The following PCDH11X variants were observed in gnomAD, a reference collection of about 807,000 sequenced individuals.
The protein encoded by PCDH11X is protocadherin-11 X-linked.
Under a neutral mutation model 53.3 loss-of-function variants are expected in PCDH11X, and 18 were observed. That is an observed-to-expected ratio of 0.34 (90% confidence interval 0.23 to 0.50). PCDH11X has a LOEUF of 0.50. Ranked by LOEUF, PCDH11X falls within the 20% of genes least tolerant of loss-of-function variation. The pLI, the probability that PCDH11X is intolerant of heterozygous loss-of-function variation, is 0.98. For missense variants in PCDH11X, 570 were observed against 1,032.4 expected (o/e 0.55, Z 6.14); for synonymous variants, 279 against 393.3 (o/e 0.71, Z 3.44).
intron 6 of PCDH11X, among the ~76,000 whole-genome samples, chrX:92,190,772 A>G (rs1279438861): frequency 2.7e-5 from 3 of 111,986 alleles, no homozygotes; most frequent in African/African-American, 9.7e-5. Context: ...TCTCTCAGAA[A>G]TATAGATCAT....
At chrX:91,876,742 T>C (rs755624139) in intron 5 of PCDH11X, 39 bp from the exon 6 acceptor site, 4 of 1,095,835 alleles carry the variant, frequency 3.7e-6, no homozygotes, top group Non-Finnish European at 4.8e-6. Flanking sequence ...TTAATTTATA[T>C]TAACATAAGT....
chrX:91,833,614 T>C (rs1937190809), intron 4 of PCDH11X, among the ~76,000 whole-genome samples: 1 of 111,927 alleles, frequency 8.9e-6, no homozygotes. Flanking sequence ...TATATATTTT[T>C]AAAATGTTGT....
chrX:91,787,612 T>A (rs1340279675), intron 1 of PCDH11X, among the ~76,000 whole-genome samples: 2 of 110,976 alleles, frequency 1.8e-5, no homozygotes, highest in Non-Finnish European at 3.8e-5. Context: ...GGAAAAAAAA[T>A]CCTGTGATAT....
intron 6 of PCDH11X, among the ~76,000 whole-genome samples, chrX:92,163,562 G>C (rs192825873): frequency 2.7e-5 from 3 of 111,016 alleles, no homozygotes; most frequent in African/African-American, 9.8e-5. Context: ...AATTGACTCA[G>C]CTCTAGATGA....
intron 6 of PCDH11X, among the ~76,000 whole-genome samples, chrX:91,957,613 G>T (rs967487603): frequency 5.4e-5 from 6 of 111,123 alleles, no homozygotes; most frequent in African/African-American, 2.0e-4. Flanking sequence ...CCATGAAACA[G>T]CAAAGATAAC....
At chrX:92,206,220 T>A (rs1438337417) in intron 7 of PCDH11X, among the ~76,000 whole-genome samples, 2 of 111,886 alleles carry the variant, frequency 1.8e-5, no homozygotes, top group African/African-American at 6.5e-5. Flanking sequence ...TTCAATCTTG[T>A]TTTTAAGGAA....
At chrX:92,247,053 G>A (rs972964862) in intron 7 of PCDH11X, among the ~76,000 whole-genome samples, 1 of 111,549 alleles carries the variant, frequency 9.0e-6, no homozygotes, top group Non-Finnish European at 1.9e-5. Flanking sequence ...ATCTGCCCAC[G>A]ATAACACTTA....
intron 7 of PCDH11X, among the ~76,000 whole-genome samples, chrX:92,235,915 C>T (rs1437608022): frequency 9.0e-6 from 1 of 111,020 alleles, no homozygotes; most frequent in Non-Finnish European, 1.9e-5. Context: ...CGGTATTGAA[C>T]TAATGTTTCC....
Position 92,485,331 on chromosome X carries a change from C to T in PCDH11X, c.3367+17009C>T, listed in dbSNP as rs1446831934. Among the ~76,000 whole-genome samples, 4 of 110,557 alleles carry T rather than the reference C, an allele frequency of 3.6e-5. No individual in the cohort carries two copies. The Admixed American group carries it at 3.9e-4, about 11-fold the overall frequency. On this transcript the variant is annotated intron_variant, in intron 10 of 10. Coordinates refer to ENST00000682573, the MANE Select transcript of PCDH11X (RefSeq NM_032968.5). ...TAGGAAAATATCAGGAAGGCTTCAT[C>T]TATTTTGTAAAAATGTTCACATGTT...
At chrX:92,368,549 T>C (rs2070531821) in intron 8 of PCDH11X, among the ~76,000 whole-genome samples, 1 of 111,062 alleles carries the variant, frequency 9.0e-6, no homozygotes, top group African/African-American at 3.3e-5. Context: ...TGGAGAGGAG[T>C]TGCGATCATT....
chrX:92,424,745 T>C (rs192404788), intron 9 of PCDH11X, among the ~76,000 whole-genome samples: 2 of 97,990 alleles, frequency 2.0e-5, no homozygotes, highest in East Asian at 6.0e-4. Context: ...GTTGCTTCTC[T>C]ATGTTTTGAC....
At chrX:92,443,332 T>C (rs2072557025) in intron 9 of PCDH11X, among the ~76,000 whole-genome samples, 1 of 111,536 alleles carries the variant, frequency 9.0e-6, no homozygotes, top group Non-Finnish European at 1.9e-5. Flanking sequence ...TTGTCTATTT[T>C]TAATGGGGTT....
intron 6 of PCDH11X, among the ~76,000 whole-genome samples, chrX:92,022,697 C>T (rs1046418983): frequency 2.7e-5 from 3 of 110,785 alleles, no homozygotes; most frequent in Admixed American, 1.9e-4. Context: ...GAACTCTCCA[C>T]CAAAAATCAA....
At chrX:92,518,959 G>A (rs112347781) in intron 10 of PCDH11X, among the ~76,000 whole-genome samples, 30,523 of 107,110 alleles carry the variant, frequency 0.28, 3,809 homozygotes, top group Non-Finnish European at 0.37. Context: ...GGGATTCACC[G>A]TGTTAGCCAG....
intron 4 of PCDH11X, among the ~76,000 whole-genome samples, chrX:91,827,094 TTC>T (rs1936950531): frequency 1.8e-5 from 2 of 111,820 alleles, no homozygotes; most frequent in African/African-American, 6.5e-5. Context: ...TGTAAAAGTA[TTC>T]TCTTTTGTCT....
chrX:92,134,678 TTTC>T (rs2148204795), intron 6 of PCDH11X, among the ~76,000 whole-genome samples: 1 of 110,814 alleles, frequency 9.0e-6, no homozygotes, highest in Non-Finnish European at 1.9e-5. Flanking sequence ...TTTATGGTAA[TTTC>T]TTGATTATAT....
At chrX:91,825,565 G>A (rs751574797) in intron 4 of PCDH11X, among the ~76,000 whole-genome samples, 128 of 111,109 alleles carry the variant, frequency 1.2e-3, no homozygotes, top group Non-Finnish European at 2.0e-3. Context: ...ACTGACCTGC[G>A]CCCACTGTGT....
intron 10 of PCDH11X, among the ~76,000 whole-genome samples, chrX:92,529,503 T>C (rs1007809774): frequency 1.8e-4 from 20 of 108,827 alleles, no homozygotes; most frequent in South Asian, 4.0e-4. Context: ...ATAGGAGTTA[T>C]AGCCAGTCTA....
chrX:91,985,380 C>T (rs189026181), intron 6 of PCDH11X, among the ~76,000 whole-genome samples: 1 of 111,626 alleles, frequency 9.0e-6, no homozygotes, highest in East Asian at 2.8e-4. Flanking sequence ...TGGCGCATGC[C>T]TATAATCCCA....
Sources: gnomAD v4.1 joint callset for allele counts (sites outside exome capture counted in the v4.1 genomes callset) on GRCh38, gnomAD v4.1.1 for gene constraint, MANE v1.5 for transcripts, NCBI Gene and HGNC (gene_info 2026-07-23, HGNC 2026-07-21) for gene names.